The following INTS1 variants were observed in gnomAD, a reference collection of about 807,000 sequenced individuals.
INTS1 encodes integrator complex subunit 1.
INTS1 carries 137 observed loss-of-function variants against 241.6 expected under a neutral mutation model. The ratio of observed to expected loss-of-function variants is 0.57; its 90% CI spans 0.49 to 0.65. The LOEUF (loss-of-function observed/expected upper bound fraction) is 0.65. Ranked by LOEUF, INTS1 falls within the 30% of genes least tolerant of loss-of-function variation. The pLI is 0.00. For missense variants in INTS1, 3,073 were observed against 3,032.2 expected (o/e 1.01, Z -0.32); for synonymous variants, 1,692 against 1,337.8 (o/e 1.26, Z -5.78).
chr7:1,471,019 CAG>C, intron 46 of INTS1, 64 bp from the exon 47 acceptor site: 2 of 1,518,212 alleles, frequency 1.3e-6, no homozygotes, highest in South Asian at 2.4e-5. Context: ...CCCCACCCGA[CAG>C]GGCGAGCTGA....
intron 19 of INTS1, 46 bp downstream of exon 19, chr7:1,487,714 C>G (rs1782340624): frequency 6.3e-7 from 1 of 1,595,100 alleles, no homozygotes; most frequent in African/African-American, 1.3e-5. Flanking sequence ...CAACCACCCA[C>G]AGGTCCCGAC....
At chr7:1,488,067 T>TGCTGCACAGCAGTCAGGAGCACA in intron 18 of INTS1, 110 bp from the exon 19 acceptor site, 1 of 1,144,846 alleles carries the variant, frequency 8.7e-7, no homozygotes, top group African/African-American at 1.5e-5. Context: ...CTGCTGCCTC[T>TGCTGCACAGCAGTCAGGAGCACA]GCTGCACAGC....
At chr7:1,500,697 C>T (rs569540188) in intron 3 of INTS1, among the ~76,000 whole-genome samples, 7 of 152,196 alleles carry the variant, frequency 4.6e-5, no homozygotes, top group African/African-American at 7.2e-5. Context: ...ATCGTGGCTC[C>T]GTCTGGCGGC....
In INTS1 at chr7:1,494,896, G is replaced by C. The variant is rs1396667686; in HGVS notation, c.1833-3C>G. 6.4e-7 allele frequency: 1 copy of C among 1,557,756 alleles called. No individual in the cohort carries two copies. On this transcript the variant is annotated splice_region_variant and splice_polypyrimidine_tract_variant and intron_variant, in intron 13 of 47. Transcript: ENST00000404767. ...CTGTGAACAGCACCTTGTGCAGGCTGGGCAGGCAGAGAAGAGCCCTCAGTC... is the reference window on the plus strand; with the variant it reads ...CTGTGAACAGCACCTTGTGCAGGCTCGGCAGGCAGAGAAGAGCCCTCAGTC...
chr7:1,503,272 T>C (rs1783286425), intron 2 of INTS1, 81 bp from the exon 3 acceptor site: 1 of 1,403,590 alleles, frequency 7.1e-7, no homozygotes. Context: ...TCCTGTTATG[T>C]CAGAGGGGAT....
intron 18 of INTS1, among the ~76,000 whole-genome samples, chr7:1,488,228 A>C (rs1201742790): frequency 6.6e-6 from 1 of 152,196 alleles, no homozygotes; most frequent in Non-Finnish European, 1.5e-5. Flanking sequence ...CAGCGGTGTC[A>C]GAACCTGGCC....
Position 1,476,397 on chromosome 7 carries a change from T to C in INTS1, c.5210A>G (p.Glu1737Gly). The C allele has an allele frequency of 6.3e-7, 1 of 1,576,722 alleles. No individual in the cohort carries two copies. ...VQGPELISLV[E>G]LILAEAETRS... ...CGTCTCCGCCTCGGCCAGGATCAGC[T>C]CCACCAGGCTGATGAGCTCCGGGCC... The change falls in exon 38 of 48, where the codon GAG becomes GGG. Residue 1737 changes from glutamate to glycine, a missense_variant. Transcript: ENST00000404767.
At chr7:1,482,013 T>C (rs796782950) in intron 27 of INTS1, among the ~76,000 whole-genome samples, 12 of 152,250 alleles carry the variant, frequency 7.9e-5, no homozygotes, top group African/African-American at 2.6e-4. Context: ...AAGCCATCGG[T>C]GGCTTCCGGG....
rs1176862309 is a variant in INTS1 at position 1,503,275 on chromosome 7, G to C, written c.59-84C>G. 4 of 1,402,806 alleles carry C rather than the reference G, an allele frequency of 2.9e-6. No individual in the cohort carries two copies. In the Admixed American group the frequency reaches 9.3e-5, roughly 33 times the overall value. The allele number at this position is 1,402,806 out of a possible 1,614,324, so 86.9% of individuals were successfully genotyped here. ...CTGACTCTAACCTCCTGTTATGTCA[G>C]AGGGGATTAAACAAGGGTCAGAGGA... On this transcript the variant is annotated intron_variant, in intron 2 of 47. Transcript: ENST00000404767.
chr7:1,477,933 A>T lies in INTS1; in HGVS notation c.4634T>A (p.Leu1545His), dbSNP rs200004545. ...GGACCTCACCTCGATCAGCCCCTGG[A>T]GGACTGCGCAAGGGACAAAGAGACA... Reference protein sequence around the residue: ...SVEPDLISKVLQGLIEVRSPH... With the variant: ...SVEPDLISKVHQGLIEVRSPH... Residue 1545 changes from leucine (L) to histidine (H), a missense_variant, in exon 34 of 48, where the codon CTC becomes CAC. Physicochemically the swap from Leu to His is moderately conservative, Grantham distance 99 (BLOSUM62 -3). Transcript: ENST00000404767. 1.3e-4 allele frequency: 211 copies of T among 1,612,342 alleles called. No individual in the cohort carries two copies. The highest frequency in any genetic ancestry group is 1.6e-4 in the Middle Eastern group (1 of 6,080).
At chr7:1,473,793 A>C (rs1584256910) in intron 41 of INTS1, 100 bp from the exon 42 acceptor site, 1 of 1,443,170 alleles carries the variant, frequency 6.9e-7, no homozygotes, top group Non-Finnish European at 9.5e-7. Flanking sequence ...CATGGACCCC[A>C]CAGCCAACGA....
rs138307850 is a variant in INTS1 at position 1,503,020 on chromosome 7, C to T, written c.230G>A (p.Arg77His). The T allele has an allele frequency of 5.8e-5, 94 of 1,613,726 alleles. 3 individuals are homozygous for T. In the Admixed American group the frequency reaches 7.8e-4, roughly 13 times the overall value. The part of the protein sequence containing the change: ...SASALTGLTK[R>H]PKLSSTPPLS... The stretch of plus-strand genomic sequence containing the variant: ...AGGGGGTGTGGAGGAGAGTTTGGGG[C>T]GTTTGGTGAGACCGGTGAGGGCCGA... The change falls in exon 3 of 48, where the codon CGC becomes CAC. Residue 77 changes from arginine (R) to histidine (H), a missense_variant. Coordinates refer to ENST00000404767, the MANE Select transcript of INTS1 (RefSeq NM_001080453.3).
At chr7:1,471,777 GC>G in intron 44 of INTS1, 136 bp from the exon 45 acceptor site, 2 of 761,234 alleles carry the variant, frequency 2.6e-6, no homozygotes, top group Non-Finnish European at 4.4e-6. Context: ...GCCCAGTGAC[GC>G]CCCAGGCAGT....
chr7:1,481,371 T>C lies in INTS1; in HGVS notation c.3821A>G (p.Gln1274Arg). 1 of 1,610,948 alleles carries C rather than the reference T, an allele frequency of 6.2e-7. No homozygotes were observed. Among genetic ancestry groups the C allele is most frequent in the African/African-American group, 1.3e-5 (1 of 74,874 alleles). ...FLDQAVAHDP[Q>R]TLEQNIMDKN... is the part of the protein sequence containing the mutation. ...GTCCATGATGTTCTGCTCCAGAGTCTGGGGGTCGTGGGCCACTGCCTGGTC... is the reference window on the plus strand; with the variant it reads ...GTCCATGATGTTCTGCTCCAGAGTCCGGGGGTCGTGGGCCACTGCCTGGTC... Residue 1274 changes from glutamine (Q) to arginine (R), a missense_variant, in exon 28 of 48, where the codon CAG becomes CGG. By Grantham distance (43) the Gln-to-Arg change is conservative. Coordinates refer to ENST00000404767, the MANE Select transcript of INTS1 (RefSeq NM_001080453.3). The surrounding 1 kb of genome is among the most constrained non-coding windows in gnomAD (Gnocchi z 6.8).
chr7:1,503,302 G>A lies in INTS1; in HGVS notation c.59-111C>T, dbSNP rs193125009. The A allele has an allele frequency of 4.4e-4, 532 of 1,204,496 alleles. 1 individual carries two copies. The African/African-American group carries it at 7.1e-3, about 16-fold the overall frequency. The allele number at this position is 1,204,496 out of a possible 1,614,324, so 74.6% of individuals were successfully genotyped here. A position where few individuals can be genotyped will look rare whatever the true frequency, so the allele number is the denominator to read the frequency against. On this transcript the variant is annotated intron_variant, in intron 2 of 47. Coordinates refer to ENST00000404767, the MANE Select transcript of INTS1 (RefSeq NM_001080453.3). Reference sequence around the variant, plus strand: ...GGGGATTAAACAAGGGTCAGAGGAGGCAAGGAAGAAGCCAGAGCTCACTCA... The same window carrying A: ...GGGGATTAAACAAGGGTCAGAGGAGACAAGGAAGAAGCCAGAGCTCACTCA...
chr7:1,475,010 C>T (rs946932467), intron 39 of INTS1, among the ~76,000 whole-genome samples, 172 bp from the exon 40 acceptor site: 8 of 152,250 alleles, frequency 5.3e-5, no homozygotes, highest in African/African-American at 1.9e-4. Context: ...AGGCCACAGC[C>T]AGCCTCTGGG....
In INTS1 at chr7:1,473,065, C is replaced by A; in HGVS notation, c.6070+7G>T. On this transcript the variant is annotated splice_region_variant and intron_variant, in intron 43 of 47. Coordinates refer to ENST00000404767, the MANE Select transcript of INTS1 (RefSeq NM_001080453.3). ...TGCTTCCAGCAGCCCCTGGCAGCCC[C>A]ACTCACCCTCGCCCTCTTCGTCCAG... The A allele has an allele frequency of 1.3e-6, 2 of 1,576,726 alleles. No individual in the cohort carries two copies. Among genetic ancestry groups the A allele is most frequent in the Non-Finnish European group, 8.7e-7 (1 of 1,154,118 alleles).
At position 1,479,663 on chromosome 7, in the gene INTS1, G is replaced by A. The variant is rs1584267807; in HGVS notation, c.4096C>T (p.Pro1366Ser). 3 of 1,478,894 alleles carry A rather than the reference G, an allele frequency of 2.0e-6. No individual in the cohort carries two copies. Among genetic ancestry groups the A allele is most frequent in the Non-Finnish European group, 1.8e-6 (2 of 1,113,100 alleles). 91.6% of individuals were successfully genotyped at this position (1,478,894 alleles called of 1,614,324 possible). A position where few individuals can be genotyped will look rare whatever the true frequency, so the allele number is the denominator to read the frequency against. The change falls in exon 31 of 48, where the codon CCT (proline) becomes TCT (serine). Residue 1366 changes from proline to serine, a missense_variant. Physicochemically the swap from Pro to Ser is moderately conservative, Grantham distance 74. Transcript: ENST00000404767. The stretch of plus-strand genomic sequence containing the variant: ...CGGGGACTGGAGCTCTGCCACCGAG[G>A]GTCCGGGCTGAGCGGGAAAATCTGG... ...FLQIFPLSPD[P>S]RWQSSSPRPV...
chr7:1,503,691 G>A (rs1783314754), intron 2 of INTS1, among the ~76,000 whole-genome samples: 4 of 152,184 alleles, frequency 2.6e-5, no homozygotes, highest in Admixed American at 2.6e-4. Flanking sequence ...GAGATCACCG[G>A]GGTCCCGAAG....
Sources: gnomAD v4.1 joint callset for allele counts (sites outside exome capture counted in the v4.1 genomes callset) on GRCh38, gnomAD v4.1.1 for gene constraint, Gnocchi (gnomAD v3.1) non-coding constraint, MANE v1.5 for transcripts, NCBI Gene and HGNC (gene_info 2026-07-23, HGNC 2026-07-21) for gene names.